PTPRS: variants seen among roughly 807,000 people sequenced by gnomAD.
PTPRS encodes the protein receptor-type tyrosine-protein phosphatase S.
A neutral mutation model predicts 215.3 loss-of-function variants in PTPRS; 63 were observed. The ratio of observed to expected loss-of-function variants is 0.29; its 90% CI spans 0.24 to 0.36. The LOEUF (loss-of-function observed/expected upper bound fraction) is 0.36. Ranked by LOEUF, PTPRS falls within the 10% of genes least tolerant of loss-of-function variation. The pLI is 1.00. For missense variants in PTPRS, 2,258 were observed against 2,825.8 expected (o/e 0.80, Z 4.56); for synonymous variants, 1,404 against 1,191.4 (o/e 1.18, Z -3.68).
chr19:5,332,213 C>A (rs890208442), intron 1 of PTPRS, among the ~76,000 whole-genome samples: 1 of 151,986 alleles, frequency 6.6e-6, no homozygotes, highest in Non-Finnish European at 1.5e-5. Context: ...CTGCAACCTC[C>A]GCCTCCCAGG....
chr19:5,300,201 A>G (rs1243484293), intron 1 of PTPRS, among the ~76,000 whole-genome samples: 1 of 151,422 alleles, frequency 6.6e-6, no homozygotes, highest in Non-Finnish European at 1.5e-5. Flanking sequence ...AGATCATGCC[A>G]CAGCACTACA....
chr19:5,313,241 C>G (rs1487928803), intron 1 of PTPRS, among the ~76,000 whole-genome samples: 1 of 152,170 alleles, frequency 6.6e-6, no homozygotes, highest in Non-Finnish European at 1.5e-5. Context: ...GGTGACAACG[C>G]TCGCTGACAG....
rs200975995 is a variant in PTPRS at position 5,222,644 on chromosome 19, G to A, written c.3103+45C>T. 3.8e-3 allele frequency: 5,605 copies of A among 1,463,942 alleles called. 22 individuals are homozygous for A. Among genetic ancestry groups the A allele is most frequent in the African/African-American group, 5.4e-3 (379 of 70,316 alleles). 90.7% of individuals were successfully genotyped at this position (1,463,942 alleles called of 1,614,324 possible). ...GGAGGGGGCTGGGGTGGGGGTGGGCGCAAGGCCCGGTCCGGCTCTGGTGCA... is the reference window on the plus strand; with the variant it reads ...GGAGGGGGCTGGGGTGGGGGTGGGCACAAGGCCCGGTCCGGCTCTGGTGCA... On this transcript the variant is annotated intron_variant, in intron 18 of 37. Transcript: ENST00000262963.
intron 4 of PTPRS, among the ~76,000 whole-genome samples, chr19:5,268,958 T>G (rs944391400): frequency 1.3e-5 from 2 of 152,212 alleles, no homozygotes; most frequent in Non-Finnish European, 2.9e-5. Context: ...CCATCCTTCC[T>G]GGGCCAGGGA....
At chr19:5,211,033 G>C (rs528591573) in intron 33 of PTPRS, among the ~76,000 whole-genome samples, 1 of 152,154 alleles carries the variant, frequency 6.6e-6, no homozygotes, top group Non-Finnish European at 1.5e-5. Context: ...ACAAAGCTGC[G>C]GGACTATCCA....
intron 4 of PTPRS, among the ~76,000 whole-genome samples, chr19:5,269,290 T>C (rs2046700802): frequency 6.7e-6 from 1 of 148,430 alleles, no homozygotes; most frequent in Admixed American, 6.7e-5. Context: ...CAGGGGGAGG[T>C]CTCGGCCGCC....
intron 16 of PTPRS, among the ~76,000 whole-genome samples, chr19:5,227,225 T>C (rs1157034305): frequency 1.3e-5 from 2 of 152,088 alleles, no homozygotes; most frequent in Non-Finnish European, 2.9e-5. Flanking sequence ...ATGATGTTTA[T>C]ATTTTTTGTA....
intron 1 of PTPRS, among the ~76,000 whole-genome samples, chr19:5,286,730 G>T (rs553035846): frequency 6.6e-6 from 1 of 152,160 alleles, no homozygotes; most frequent in East Asian, 1.9e-4. Context: ...TTGGTCTGTG[G>T]TATTTGGCTA....
chr19:5,293,742 A>G lies in PTPRS; in HGVS notation c.-94-7508T>C, dbSNP rs937335239. 6.6e-6 allele frequency among the ~76,000 whole-genome samples: 1 copy of G among 151,752 alleles called. No individual in the cohort carries two copies. Among genetic ancestry groups the G allele is most frequent in the African/African-American group, 2.4e-5 (1 of 41,298 alleles). On this transcript the variant is annotated intron_variant, in intron 1 of 37. Coordinates refer to ENST00000262963, the MANE Select transcript of PTPRS (RefSeq NM_002850.4). This position sits in a 1 kb window ranked among gnomAD's most constrained non-coding sequence, Gnocchi z 8.4. ...TCCCCTCTTCCCCCTCTTAGACCAG[A>G]GGGTAGGGGAGAGGTGCGGGCGCAG...
At position 5,216,747 on chromosome 19, in the gene PTPRS, G is replaced by A. The variant is rs1469959251; in HGVS notation, c.4069C>T (p.Leu1357Phe). The A allele has an allele frequency of 3.8e-6, 6 of 1,577,960 alleles. No homozygotes were observed. The highest frequency in any genetic ancestry group is 5.2e-6 in the Non-Finnish European group (6 of 1,161,066). Residue 1357 changes from leucine (L) to phenylalanine (F), a missense_variant, in exon 26 of 38, where the codon CTC (leucine) becomes TTC (phenylalanine). Coordinates refer to ENST00000262963, the MANE Select transcript of PTPRS (RefSeq NM_002850.4). Reference protein sequence around the residue: ...QTPDSGLRSPLREPGFHFESM... With the variant: ...QTPDSGLRSPFREPGFHFESM... ...TCAAAGTGAAACCCCGGCTCCCTGA[G>A]GGGGCTCCTGAGGCCTGAATCTGCA...
In PTPRS at chr19:5,225,680, G is replaced by T. The variant is rs1468269885; in HGVS notation, c.2494+47C>A. ...TCTGGAGTCACGCTCTGGTGCCAGT[G>T]GGGGCAAAGGGGCTGTTGGTGGGTG... On this transcript the variant is annotated intron_variant, in intron 17 of 37. Transcript: ENST00000262963. The T allele has an allele frequency of 2.7e-6, 4 of 1,499,950 alleles. No individual in the cohort carries two copies. In the Admixed American group the frequency reaches 6.7e-5, roughly 25 times the overall value. The allele number at this position is 1,499,950 out of a possible 1,614,324, so 92.9% of individuals were successfully genotyped here.
Position 5,257,893 on chromosome 19 carries a change from CG to C in PTPRS, c.706+123del. 1.3e-6 allele frequency: 1 copy of C among 779,876 alleles called. No individual in the cohort carries two copies. Among genetic ancestry groups the C allele is most frequent in the Non-Finnish European group, 2.1e-6 (1 of 486,760 alleles). The allele number at this position is 779,876 out of a possible 1,614,324, so 48.3% of individuals were successfully genotyped here. On this transcript the variant is annotated intron_variant, in intron 8 of 37. Coordinates refer to ENST00000262963, the MANE Select transcript of PTPRS (RefSeq NM_002850.4). The surrounding 1 kb of genome is among the most constrained non-coding windows in gnomAD (Gnocchi z 4.4). ...GCCTCGGCCAAGGTCCCACCGCGAC[CG>C]GGGAGGGGCCTTCCTGCTTGGGTGT... is the stretch of plus-strand genomic sequence containing the variant.
In PTPRS at chr19:5,205,661, G is replaced by C. The variant is rs968655510; in HGVS notation, c.*1113C>G. 2.6e-5 allele frequency among the ~76,000 whole-genome samples: 4 copies of C among 152,206 alleles called. No homozygotes were observed. The highest frequency in any genetic ancestry group is 9.7e-5 in the African/African-American group (4 of 41,446). Reference sequence around the variant, plus strand: ...ACAACTCGCTTGCTCAGGGTAGGCGGGTAGAGGGGGGCCTGTCCTTCTGGT... The same window carrying C: ...ACAACTCGCTTGCTCAGGGTAGGCGCGTAGAGGGGGGCCTGTCCTTCTGGT... On this transcript the variant is annotated 3_prime_UTR_variant, in exon 38 of 38. Transcript: ENST00000262963.
chr19:5,218,756 G>C, intron 24 of PTPRS, 31 bp downstream of exon 24: 1 of 1,611,788 alleles, frequency 6.2e-7, no homozygotes, highest in African/African-American at 1.3e-5. Flanking sequence ...CCTCTTGCCT[G>C]AAGCCTCCAC....
At position 5,206,752 on chromosome 19, in the gene PTPRS, G is replaced by C. The variant is rs775871392; in HGVS notation, c.*22C>G. The C allele has an allele frequency of 1.9e-6, 3 of 1,610,550 alleles. No individual in the cohort carries two copies. Among genetic ancestry groups the C allele is most frequent in the Non-Finnish European group, 2.5e-6 (3 of 1,176,874 alleles). Reference sequence around the variant, plus strand: ...AGAGGCATCCGGGGCCAGTGGTGTCGGGCCTGGGGGGAACCATGGCTTTAG... The same window carrying C: ...AGAGGCATCCGGGGCCAGTGGTGTCCGGCCTGGGGGGAACCATGGCTTTAG... On this transcript the variant is annotated 3_prime_UTR_variant, in exon 38 of 38. Coordinates refer to ENST00000262963, the MANE Select transcript of PTPRS (RefSeq NM_002850.4).
At chr19:5,260,902 T>TGGGCC in intron 6 of PTPRS, 80 bp from the exon 7 acceptor site, 1 of 1,530,490 alleles carries the variant, frequency 6.5e-7, no homozygotes, top group Non-Finnish European at 9.0e-7. Context: ...GAAGCTGGGC[T>TGGGCC]GGGCCGTAAG....
intron 2 of PTPRS, chr19:5,278,033 C>A: frequency 8.4e-7 from 1 of 1,197,450 alleles, no homozygotes; most frequent in African/African-American, 1.5e-5. Flanking sequence ...AGATCGCTCA[C>A]AGTGTTTCCT....
At position 5,210,309 on chromosome 19, in the gene PTPRS, T is replaced by C. The variant is rs996915971; in HGVS notation, c.5487+160A>G. 7.9e-5 allele frequency among the ~76,000 whole-genome samples: 12 copies of C among 152,188 alleles called. No homozygotes were observed. Among genetic ancestry groups the C allele is most frequent in the African/African-American group, 2.9e-4 (12 of 41,440 alleles). ...GAGATAAGACCCTCTCTTCCACCTA[T>C]GTGGCAGTAGAAGCAAGTGGCCAAC... is the stretch of plus-strand genomic sequence containing the variant. On this transcript the variant is annotated intron_variant, in intron 35 of 37. Coordinates refer to ENST00000262963, the MANE Select transcript of PTPRS (RefSeq NM_002850.4). This position sits in a 1 kb window ranked among gnomAD's most constrained non-coding sequence, Gnocchi z 4.5.
intron 14 of PTPRS, among the ~76,000 whole-genome samples, chr19:5,231,068 GAA>G (rs760539460): frequency 3.3e-5 from 5 of 152,214 alleles, no homozygotes; most frequent in Non-Finnish European, 4.4e-5. Flanking sequence ...GGCAGCCAGC[GAA>G]ACTGTCCAGG....
Sources: allele counts gnomAD v4.1 joint callset (sites outside exome capture counted in the v4.1 genomes callset), GRCh38; gene constraint gnomAD v4.1.1; non-coding constraint Gnocchi (gnomAD v3.1); transcripts MANE v1.5; gene names NCBI Gene and HGNC (gene_info 2026-07-23, HGNC 2026-07-21).